The following SH3RF1 variants were observed in gnomAD, a reference collection of about 807,000 sequenced individuals.
SH3RF1 encodes E3 ubiquitin-protein ligase SH3RF1.
SH3RF1 carries 32 observed loss-of-function variants against 74.0 expected under a neutral mutation model. The observed-to-expected ratio is 0.43, with a 90% CI of 0.33 to 0.58. The LOEUF (loss-of-function observed/expected upper bound fraction) is 0.58. Among genes scored for constraint, SH3RF1 ranks in the 20% least tolerant of loss-of-function variants. SH3RF1 has a pLI of 0.05. For synonymous variants in SH3RF1, 396 were observed against 439.6 expected (o/e 0.90, Z 1.24); for missense variants, 954 against 1,130.9 (o/e 0.84, Z 2.24).
chr4:169,216,971 C>A (rs28653460), intron 2 of SH3RF1, among the ~76,000 whole-genome samples: 1 of 137,396 alleles, frequency 7.3e-6, no homozygotes, highest in Non-Finnish European at 1.5e-5. Flanking sequence ...AGCAACATGG[C>A]GAAACCCCAT....
At chr4:169,143,648 T>G (rs1579104151) in intron 4 of SH3RF1, among the ~76,000 whole-genome samples, 1 of 152,012 alleles carries the variant, frequency 6.6e-6, no homozygotes. Context: ...ACTACAAGGG[T>G]TACTCATTTA....
intron 8 of SH3RF1, among the ~76,000 whole-genome samples, chr4:169,119,964 T>C (rs1205122064): frequency 6.6e-6 from 1 of 152,206 alleles, no homozygotes; most frequent in Non-Finnish European, 1.5e-5. Flanking sequence ...TATCTTTACA[T>C]AAAATATATA....
intron 11 of SH3RF1, among the ~76,000 whole-genome samples, chr4:169,103,998 A>G (rs1392471669): frequency 1.3e-5 from 2 of 152,176 alleles, no homozygotes; most frequent in African/African-American, 4.8e-5. Context: ...CTGAAATGCC[A>G]TCACCTGTCT....
At chr4:169,100,929 C>G (rs1465968948) in intron 11 of SH3RF1, among the ~76,000 whole-genome samples, 1 of 152,194 alleles carries the variant, frequency 6.6e-6, no homozygotes, top group Non-Finnish European at 1.5e-5. Flanking sequence ...TTGACGCTAT[C>G]TCTCCCACCC....
chr4:169,138,496 A>G (rs1159192118), intron 4 of SH3RF1, among the ~76,000 whole-genome samples: 1 of 152,376 alleles, frequency 6.6e-6, no homozygotes, highest in East Asian at 1.9e-4. Flanking sequence ...CAAATCTTTG[A>G]AAGTGCAAAC....
intron 2 of SH3RF1, among the ~76,000 whole-genome samples, chr4:169,202,965 T>C (rs1170158491): frequency 6.6e-6 from 1 of 152,150 alleles, no homozygotes; most frequent in Non-Finnish European, 1.5e-5. Flanking sequence ...TAGATAGCAA[T>C]GTATATCCTC....
intron 2 of SH3RF1, among the ~76,000 whole-genome samples, chr4:169,252,167 G>T (rs1351024573): frequency 6.6e-6 from 1 of 152,170 alleles, no homozygotes; most frequent in Non-Finnish European, 1.5e-5. Flanking sequence ...GAGTTTTCCA[G>T]CTTATGAATT....
At chr4:169,174,396 C>T (rs1330521870) in intron 2 of SH3RF1, among the ~76,000 whole-genome samples, 3 of 152,104 alleles carry the variant, frequency 2.0e-5, no homozygotes, top group Admixed American at 6.5e-5. Flanking sequence ...AATGAGGGCA[C>T]GAATCACCTG....
chr4:169,172,206 C>A (rs1426815454), intron 2 of SH3RF1, among the ~76,000 whole-genome samples: 1 of 152,214 alleles, frequency 6.6e-6, no homozygotes, highest in Non-Finnish European at 1.5e-5. Flanking sequence ...AAAGCCACGA[C>A]CAGCTCAGTT....
In SH3RF1 at chr4:169,096,383, G is replaced by C; in HGVS notation, c.*136C>G. 1 of 863,944 alleles carries C rather than the reference G, an allele frequency of 1.2e-6. No individual in the cohort carries two copies. Among genetic ancestry groups the C allele is most frequent in the South Asian group, 1.7e-5 (1 of 59,276 alleles). 53.5% of individuals were successfully genotyped at this position (863,944 alleles called of 1,614,324 possible). Reference sequence around the variant, plus strand: ...TCTGCTCGCTGGGGTAACTGTGCTGGGGCATCAGAGTCACATACCAATCCT... The same window carrying C: ...TCTGCTCGCTGGGGTAACTGTGCTGCGGCATCAGAGTCACATACCAATCCT... On this transcript the variant is annotated 3_prime_UTR_variant, in exon 12 of 12. Coordinates refer to ENST00000284637, the MANE Select transcript of SH3RF1 (RefSeq NM_020870.4).
At chr4:169,227,769 AC>A (rs1730675050) in intron 2 of SH3RF1, among the ~76,000 whole-genome samples, 1 of 152,230 alleles carries the variant, frequency 6.6e-6, no homozygotes, top group African/African-American at 2.4e-5. Context: ...TCGAAGCCAG[AC>A]CCAGTTACTT....
At chr4:169,267,263 G>A (rs965869889) in intron 2 of SH3RF1, among the ~76,000 whole-genome samples, 1 of 152,154 alleles carries the variant, frequency 6.6e-6, no homozygotes, top group African/African-American at 2.4e-5. Flanking sequence ...CAACAGGTAA[G>A]GCAGTGTCAA....
chr4:169,138,399 T>A (rs1352244569), intron 4 of SH3RF1, among the ~76,000 whole-genome samples: 1 of 152,076 alleles, frequency 6.6e-6, no homozygotes, highest in Non-Finnish European at 1.5e-5. Context: ...CCTCATGAAA[T>A]GAAGGGCCAG....
chr4:169,169,621 T>C (rs1404613223), intron 2 of SH3RF1, among the ~76,000 whole-genome samples: 1 of 151,894 alleles, frequency 6.6e-6, no homozygotes, highest in Non-Finnish European at 1.5e-5. Context: ...AATAAAAAAA[T>C]AAAAACTCAG....
chr4:169,095,060 T>C lies in SH3RF1; in HGVS notation c.*1459A>G, dbSNP rs1732892066. ...CTGCGTGGCACCGTAATGAAATCGG[T>C]GGGAGAGGCCAATGACATCAAGGAA... is the stretch of plus-strand genomic sequence containing the variant. On this transcript the variant is annotated 3_prime_UTR_variant, in exon 12 of 12. Transcript: ENST00000284637. 1.3e-5 allele frequency: 2 copies of C among 152,598 alleles called. No individual in the cohort carries two copies. Among genetic ancestry groups the C allele is most frequent in the South Asian group, 4.2e-4 (2 of 4,806 alleles). 9.5% of individuals were successfully genotyped at this position (152,598 alleles called of 1,614,324 possible).
chr4:169,166,661 C>A (rs962553701), intron 2 of SH3RF1: 4 of 204,676 alleles, frequency 2.0e-5, no homozygotes, highest in Admixed American at 1.9e-4. Flanking sequence ...ACAGCAAAAA[C>A]CTTCAGTCAG....
intron 11 of SH3RF1, among the ~76,000 whole-genome samples, chr4:169,105,277 T>G (rs543569288): frequency 6.6e-6 from 1 of 152,186 alleles, no homozygotes; most frequent in Non-Finnish European, 1.5e-5. Context: ...TACTATATAT[T>G]TATATAAGAT....
Position 169,192,898 on chromosome 4 carries a change from T to TATATATATATCATATATATGTG in SH3RF1, c.394-36241_394-36220dup, listed in dbSNP as rs1367442787. Among the ~76,000 whole-genome samples the TATATATATATCATATATATGTG allele has an allele frequency of 6.0e-3, 786 of 130,650 alleles. 5 individuals carry two copies. Among genetic ancestry groups the TATATATATATCATATATATGTG allele is most frequent in the Non-Finnish European group, 8.5e-3 (508 of 59,754 alleles). The allele number at this position is 130,650 out of a possible 152,430, so 85.7% of individuals were successfully genotyped here. A position where few individuals can be genotyped will look rare whatever the true frequency, so the allele number is the denominator to read the frequency against. Reference sequence around the variant, plus strand: ...TCATATATATGTGATATGTTTCTTTTATATATATATCATATATATGTGATA... The same window carrying TATATATATATCATATATATGTG: ...TCATATATATGTGATATGTTTCTTTTATATATATATCATATATATGTGATATATATATCATATATATGTGATA... On this transcript the variant is annotated intron_variant, in intron 2 of 11. Coordinates refer to ENST00000284637, the MANE Select transcript of SH3RF1 (RefSeq NM_020870.4).
chr4:169,096,387 A>G lies in SH3RF1; in HGVS notation c.*132T>C, dbSNP rs1732930380. On this transcript the variant is annotated 3_prime_UTR_variant, in exon 12 of 12. Transcript: ENST00000284637. ...CTCGCTGGGGTAACTGTGCTGGGGC[A>G]TCAGAGTCACATACCAATCCTTTGC... The G allele has an allele frequency of 7.6e-6, 7 of 922,760 alleles. No individual in the cohort carries two copies. Among genetic ancestry groups the G allele is most frequent in the Non-Finnish European group, 1.1e-5 (7 of 609,566 alleles). The allele number at this position is 922,760 out of a possible 1,614,324, so 57.2% of individuals were successfully genotyped here. A position where few individuals can be genotyped will look rare whatever the true frequency, so the allele number is the denominator to read the frequency against.
Sources: gnomAD v4.1 joint callset for allele counts (sites outside exome capture counted in the v4.1 genomes callset) on GRCh38, gnomAD v4.1.1 for gene constraint, MANE v1.5 for transcripts, NCBI Gene and HGNC (gene_info 2026-07-23, HGNC 2026-07-21) for gene names.